Variants in PHEX observed in about 807,000 individuals in gnomAD.
PHEX encodes phosphate-regulating neutral endopeptidase PHEX.
PHEX carries 16 observed loss-of-function variants against 68.0 expected under a neutral mutation model. The ratio of observed to expected loss-of-function variants is 0.24; its 90% CI spans 0.16 to 0.36. The LOEUF (loss-of-function observed/expected upper bound fraction) is 0.36. Ranked by LOEUF, PHEX falls within the 10% of genes least tolerant of loss-of-function variation. PHEX has a pLI of 1.00. For synonymous variants in PHEX, 208 were observed against 205.1 expected (o/e 1.01, Z -0.12); for missense variants, 480 against 575.5 (o/e 0.83, Z 1.70).
chrX:22,176,395 AAAAAAAAAT>A (rs1326438657), intron 13 of PHEX, among the ~76,000 whole-genome samples: 46 of 86,134 alleles, frequency 5.3e-4, no homozygotes, highest in South Asian at 2.0e-3. Context: ...AAAAAAAAAA[AAAAAAAAAT>A]ATATATATAT....
At chrX:22,079,911 TATC>T (rs2147023607) in intron 5 of PHEX, among the ~76,000 whole-genome samples, 1 of 111,594 alleles carries the variant, frequency 9.0e-6, no homozygotes, top group East Asian at 2.8e-4. Flanking sequence ...TCTAGGCAAT[TATC>T]ATCAATGGCT....
At chrX:22,219,188 A>G in intron 17 of PHEX, 85 bp downstream of exon 17, 2 of 656,173 alleles carry the variant, frequency 3.0e-6, no homozygotes, top group Non-Finnish European at 5.0e-6. Context: ...ATCTTTGCAT[A>G]GCAGCAGCAT....
Position 22,152,389 on chromosome X carries a change from T to A in PHEX, c.1405-15923T>A, listed in dbSNP as rs148010618. On this transcript the variant is annotated intron_variant, in intron 12 of 21. Transcript: ENST00000379374. ...ATTATGTCTATTGTTTCTGTTTCTGTTTAGCTCTGAGATCTCCTCCTCTTT... is the reference window on the plus strand; with the variant it reads ...ATTATGTCTATTGTTTCTGTTTCTGATTAGCTCTGAGATCTCCTCCTCTTT... 6.1e-3 allele frequency among the ~76,000 whole-genome samples: 690 copies of A among 112,201 alleles called. 1 individual carries two copies. Among genetic ancestry groups the A allele is most frequent in the Middle Eastern group, 0.018 (4 of 218 alleles).
At chrX:22,224,947 A>AATTATCATACAGCGCCGTATGATTT (rs1935400514) in intron 18 of PHEX, among the ~76,000 whole-genome samples, 2 of 23,247 alleles carry the variant, frequency 8.6e-5, no homozygotes, top group African/African-American at 1.7e-4. Context: ...AAATAACATA[A>AATTATCATACAGCGCCGTATGATTT]ATTATCATAC....
intron 9 of PHEX, among the ~76,000 whole-genome samples, chrX:22,106,738 C>G (rs1443590293): frequency 9.8e-6 from 1 of 102,119 alleles, no homozygotes; most frequent in Non-Finnish European, 2.0e-5. Flanking sequence ...TGTGCCATTA[C>G]ACTCCAGCCT....
intron 9 of PHEX, among the ~76,000 whole-genome samples, chrX:22,099,524 T>C (rs1394932876): frequency 2.7e-5 from 3 of 109,710 alleles, no homozygotes; most frequent in Non-Finnish European, 5.7e-5. Context: ...TTTTTTTTCC[T>C]GGTTCCTTTT....
intron 11 of PHEX, among the ~76,000 whole-genome samples, chrX:22,118,224 G>T (rs1421562477): frequency 2.8e-5 from 3 of 105,457 alleles, no homozygotes; most frequent in African/African-American, 1.1e-4. Flanking sequence ...GTTGTGTTTG[G>T]GGTAGGACCC....
At chrX:22,112,575 T>G (rs1448138579) in intron 10 of PHEX, among the ~76,000 whole-genome samples, 1 of 111,366 alleles carries the variant, frequency 9.0e-6, no homozygotes, top group Admixed American at 9.6e-5. Context: ...TGCAATTATT[T>G]TGGATATGCT....
chrX:22,226,526 T>C lies in PHEX; in HGVS notation c.1965+18T>C. On this transcript the variant is annotated intron_variant, in intron 19 of 21. Transcript: ENST00000379374. Reference sequence around the variant, plus strand: ...CTTTTAGGGTATGCGCTGCTACATTTACCGTGGTTCTAAAAATCAAGCCAT... The same window carrying C: ...CTTTTAGGGTATGCGCTGCTACATTCACCGTGGTTCTAAAAATCAAGCCAT... 1 of 1,170,634 alleles carries C rather than the reference T, an allele frequency of 8.5e-7. No individual in the cohort carries two copies. Among genetic ancestry groups the C allele is most frequent in the Admixed American group, 2.2e-5 (1 of 45,897 alleles).
At chrX:22,098,468 G>C (rs1930249215) in intron 8 of PHEX, among the ~76,000 whole-genome samples, 1 of 107,688 alleles carries the variant, frequency 9.3e-6, no homozygotes, top group Non-Finnish European at 1.9e-5. Flanking sequence ...AGATGGTACA[G>C]AACACATGCT....
At chrX:22,054,989 C>G (rs1349025350) in intron 3 of PHEX, among the ~76,000 whole-genome samples, 1 of 107,172 alleles carries the variant, frequency 9.3e-6, no homozygotes, top group African/African-American at 3.4e-5. Context: ...GCCTGGCCAA[C>G]ATGGTGAAAC....
At chrX:22,226,604 G>A (rs1208527548) in intron 19 of PHEX, 96 bp downstream of exon 19, 1 of 645,753 alleles carries the variant, frequency 1.5e-6, no homozygotes, top group East Asian at 3.2e-5. Flanking sequence ...TTCTTGAGGA[G>A]TTAGTTAGTT....
chrX:22,169,154 C>A (rs1353994750), intron 13 of PHEX, among the ~76,000 whole-genome samples: 1 of 111,780 alleles, frequency 8.9e-6, no homozygotes, highest in African/African-American at 3.3e-5. Context: ...AATTGTGGTT[C>A]AACAAGTGGC....
chrX:22,064,146 T>C (rs1928495004), intron 3 of PHEX, among the ~76,000 whole-genome samples: 1 of 112,422 alleles, frequency 8.9e-6, no homozygotes, highest in Admixed American at 9.4e-5. Flanking sequence ...TTTAAAAATA[T>C]TTTAACTTTT....
At chrX:22,211,769 T>C (rs754136676) in intron 15 of PHEX, among the ~76,000 whole-genome samples, 25 of 112,390 alleles carry the variant, frequency 2.2e-4, no homozygotes, top group South Asian at 3.7e-4. Flanking sequence ...TTAATGGACT[T>C]ACAGTTCCAC....
At chrX:22,138,001 T>A (rs1191503323) in intron 12 of PHEX, among the ~76,000 whole-genome samples, 1 of 112,576 alleles carries the variant, frequency 8.9e-6, no homozygotes, top group East Asian at 2.8e-4. Flanking sequence ...GTGTTCCACA[T>A]GGGCTCTGGG....
At chrX:22,196,955 T>G (rs1362548198) in intron 15 of PHEX, among the ~76,000 whole-genome samples, 1 of 112,141 alleles carries the variant, frequency 8.9e-6, no homozygotes, top group East Asian at 2.8e-4. Context: ...CTGGGAGAAT[T>G]TCTCATACTT....
At chrX:22,071,647 C>T (rs1456273483) in intron 3 of PHEX, among the ~76,000 whole-genome samples, 3 of 112,120 alleles carry the variant, frequency 2.7e-5, no homozygotes, top group Admixed American at 9.4e-5. Context: ...ATTTGAGGCC[C>T]AATGACCAAA....
At chrX:22,058,763 G>A (rs184872692) in intron 3 of PHEX, among the ~76,000 whole-genome samples, 15 of 112,182 alleles carry the variant, frequency 1.3e-4, no homozygotes, top group African/African-American at 4.2e-4. Flanking sequence ...CTCTTACGCC[G>A]CTCTAGAGCT....
Sources: gnomAD v4.1 joint callset for allele counts (sites outside exome capture counted in the v4.1 genomes callset) on GRCh38, gnomAD v4.1.1 for gene constraint, MANE v1.5 for transcripts, NCBI Gene and HGNC (gene_info 2026-07-23, HGNC 2026-07-21) for gene names.